C12orf50: variants seen among roughly 807,000 people sequenced by gnomAD.
The protein encoded by C12orf50 is zinc finger CCCH-type containing 11D, also known as uncharacterized protein C12orf50.
In C12orf50, 35 loss-of-function variants were observed where a neutral mutation model predicts 61.6. The ratio of observed to expected loss-of-function variants is 0.57; its 90% CI spans 0.43 to 0.75. C12orf50 has a LOEUF of 0.75. Ranked by LOEUF, C12orf50 falls within the 30% of genes least tolerant of loss-of-function variation. The pLI, the probability that C12orf50 is intolerant of heterozygous loss-of-function variation, is 0.00. For synonymous variants in C12orf50, 178 were observed against 161.5 expected (o/e 1.10, Z -0.77); for missense variants, 475 against 488.5 (o/e 0.97, Z 0.26).
intron 3 of C12orf50, among the ~76,000 whole-genome samples, chr12:88,025,656 T>A (rs535721842): frequency 6.6e-6 from 1 of 152,276 alleles, no homozygotes; most frequent in African/African-American, 2.4e-5. Flanking sequence ...TGAGAATTGC[T>A]TGAACCCGGG....
At chr12:88,016,105 T>C (rs907810862) in intron 3 of C12orf50, among the ~76,000 whole-genome samples, 4 of 152,120 alleles carry the variant, frequency 2.6e-5, no homozygotes, top group African/African-American at 9.7e-5. Context: ...ATATGGACTA[T>C]GTGACAGGTC....
chr12:87,996,732 C>T, intron 4 of C12orf50, 86 bp from the exon 5 acceptor site: 8 of 931,322 alleles, frequency 8.6e-6, no homozygotes, highest in Non-Finnish European at 1.3e-5. Context: ...ACCCCAAATA[C>T]TGTTCTCATG....
intron 3 of C12orf50, among the ~76,000 whole-genome samples, chr12:88,014,649 C>T (rs1218372455): frequency 6.6e-6 from 1 of 152,146 alleles, no homozygotes. Flanking sequence ...GAAACTGCCA[C>T]TTATTGAGAG....
intron 7 of C12orf50, 95 bp from the exon 8 acceptor site, chr12:87,989,466 T>C: frequency 1.2e-6 from 1 of 805,294 alleles, no homozygotes; most frequent in South Asian, 1.6e-5. Context: ...CCCCTTTTGT[T>C]CACCTTTCTT....
intron 4 of C12orf50, among the ~76,000 whole-genome samples, chr12:87,997,121 A>G (rs1195089625): frequency 6.6e-6 from 1 of 151,564 alleles, no homozygotes; most frequent in Non-Finnish European, 1.5e-5. Flanking sequence ...TGCTGGGTTG[A>G]TATGGGAGGC....
intron 4 of C12orf50, 138 bp from the exon 5 acceptor site, chr12:87,996,784 A>C (rs920055638): frequency 1.1e-5 from 7 of 619,938 alleles, no homozygotes; most frequent in Admixed American, 3.1e-5. Context: ...ATAATTTTAC[A>C]TACTAGTACA....
intron 11 of C12orf50, chr12:87,983,765 C>T (rs1273904837): frequency 6.9e-6 from 1 of 144,880 alleles, no homozygotes; most frequent in African/African-American, 2.4e-5. Context: ...GTATATGTGC[C>T]ACATTTTCTT....
chr12:87,990,721 C>T (rs368228675), intron 7 of C12orf50, among the ~76,000 whole-genome samples: 1 of 151,888 alleles, frequency 6.6e-6, no homozygotes, highest in African/African-American at 2.4e-5. Context: ...AAGCAGAAAG[C>T]GACACCAAGG....
intron 3 of C12orf50, 89 bp from the exon 4 acceptor site, chr12:87,998,279 T>A: frequency 1.0e-6 from 1 of 953,374 alleles, no homozygotes; most frequent in Non-Finnish European, 1.5e-6. Context: ...CCTAATTAAC[T>A]ATATATTATT....
chr12:88,018,130 C>G (rs188449582), intron 3 of C12orf50, among the ~76,000 whole-genome samples: 38 of 152,362 alleles, frequency 2.5e-4, no homozygotes, highest in Non-Finnish European at 5.1e-4. Context: ...TTGGCAGCCC[C>G]TCCTATCACA....
intron 3 of C12orf50, among the ~76,000 whole-genome samples, chr12:88,008,486 C>A (rs574863488): frequency 1.4e-4 from 22 of 152,110 alleles, no homozygotes; most frequent in African/African-American, 5.3e-4. Context: ...GGGCATGTAG[C>A]TTGATTCCCA....
intron 3 of C12orf50, among the ~76,000 whole-genome samples, chr12:88,022,422 A>T (rs937382854): frequency 2.0e-5 from 3 of 152,138 alleles, no homozygotes; most frequent in Non-Finnish European, 2.9e-5. Context: ...AACTGGAAGC[A>T]TTCCCCCTTG....
chr12:87,992,500 T>G (rs1241147320), intron 7 of C12orf50, among the ~76,000 whole-genome samples: 1 of 152,162 alleles, frequency 6.6e-6, no homozygotes, highest in Admixed American at 6.6e-5. Flanking sequence ...TAGATATGTG[T>G]GTATATATGT....
At chr12:88,010,422 AATT>A (rs1353220514) in intron 3 of C12orf50, among the ~76,000 whole-genome samples, 2 of 123,734 alleles carry the variant, frequency 1.6e-5, no homozygotes, top group Non-Finnish European at 3.1e-5. Context: ...ATAAGATTAA[AATT>A]ATTATAATCT....
chr12:87,983,180 G>T lies in C12orf50; in HGVS notation c.1142C>A (p.Thr381Lys). 2 of 1,596,892 alleles carry T rather than the reference G, an allele frequency of 1.3e-6. No individual in the cohort carries two copies. The highest frequency in any genetic ancestry group is 8.5e-7 in the Non-Finnish European group (1 of 1,170,178). ...PNLSPDKYTS[T>K]SYNDSAWRKR... ...TCGCCAGGCTGAATCATTATATGAT[G>T]TTGACGTATATTTGTCTGAGGGAAA... Residue 381 changes from threonine (T) to lysine (K), a missense_variant, in exon 12 of 13, where the codon ACA becomes AAA. Physicochemically the swap from Thr to Lys is moderately conservative, Grantham distance 78. Coordinates refer to ENST00000298699, the MANE Select transcript of C12orf50 (RefSeq NM_152589.3).
At chr12:87,994,771 C>T (rs1198581288) in intron 6 of C12orf50, 28 bp from the exon 7 acceptor site, 4 of 1,440,156 alleles carry the variant, frequency 2.8e-6, no homozygotes, top group Non-Finnish European at 3.9e-6. Context: ...AAAAAGTCAC[C>T]CCAGAAATTA....
intron 3 of C12orf50, among the ~76,000 whole-genome samples, chr12:88,000,900 A>G (rs1023361551): frequency 6.6e-6 from 1 of 151,860 alleles, no homozygotes; most frequent in Non-Finnish European, 1.5e-5. Context: ...ATGTTGCTAA[A>G]TTTATTTCTA....
intron 1 of C12orf50, 108 bp downstream of exon 1, chr12:88,029,227 ATTTCT>A (rs2032816223): frequency 1.6e-6 from 1 of 616,706 alleles, no homozygotes; most frequent in Non-Finnish European, 2.4e-6. Context: ...GGGAAAAATA[ATTTCT>A]TTTCCACAGT....
At chr12:87,997,423 T>C (rs1565746869) in intron 4 of C12orf50, among the ~76,000 whole-genome samples, 1 of 152,118 alleles carries the variant, frequency 6.6e-6, no homozygotes, top group Non-Finnish European at 1.5e-5. Context: ...TATATAGATA[T>C]ACATTTTACT....
Sources: allele counts gnomAD v4.1 joint callset (sites outside exome capture counted in the v4.1 genomes callset), GRCh38; gene constraint gnomAD v4.1.1; transcripts MANE v1.5; gene names NCBI Gene and HGNC (gene_info 2026-07-23, HGNC 2026-07-21).